The following FARS2 variants were observed in gnomAD, a reference collection of about 807,000 sequenced individuals.
FARS2 encodes phenylalanyl-tRNA synthetase 2, mitochondrial.
In FARS2, 40 loss-of-function variants were observed where a neutral mutation model predicts 46.4. The ratio of observed to expected loss-of-function variants is 0.86; its 90% CI spans 0.67 to 1.12. The LOEUF (loss-of-function observed/expected upper bound fraction) is 1.12, where lower values mean the gene tolerates loss of function less well. Among genes scored for constraint, FARS2 ranks in the 50% most tolerant of loss-of-function variants. FARS2 has a pLI of 0.00. For missense variants in FARS2, 513 were observed against 567.9 expected (o/e 0.90, Z 0.98); for synonymous variants, 234 against 214.9 (o/e 1.09, Z -0.78).
At chr6:5,718,714 A>C (rs1343702844) in intron 6 of FARS2, among the ~76,000 whole-genome samples, 3 of 152,134 alleles carry the variant, frequency 2.0e-5, no homozygotes, top group East Asian at 1.9e-4. Context: ...CTGAGTAGCT[A>C]ATGGAAGATG....
At chr6:5,316,178 C>T (rs1769504323) in intron 1 of FARS2, among the ~76,000 whole-genome samples, 1 of 152,234 alleles carries the variant, frequency 6.6e-6, no homozygotes, top group African/African-American at 2.4e-5. Flanking sequence ...GAAAGATTCA[C>T]TTAGGGTGAC....
At chr6:5,393,447 G>A (rs1303571248) in intron 2 of FARS2, among the ~76,000 whole-genome samples, 1 of 152,110 alleles carries the variant, frequency 6.6e-6, no homozygotes, top group African/African-American at 2.4e-5. Flanking sequence ...GCGAGGTCAA[G>A]AGATCGAGAC....
chr6:5,318,061 G>T (rs2104034), intron 1 of FARS2, among the ~76,000 whole-genome samples: 104,290 of 151,944 alleles, frequency 0.69, 36,539 homozygotes, highest in African/African-American at 0.82. Flanking sequence ...GTCTGATTTT[G>T]AGTATTATAA....
At chr6:5,706,459 G>C (rs1758774393) in intron 6 of FARS2, among the ~76,000 whole-genome samples, 1 of 152,128 alleles carries the variant, frequency 6.6e-6, no homozygotes, top group African/African-American at 2.4e-5. Context: ...ATTACTCTAG[G>C]GCCCCTTCCC....
At chr6:5,303,179 C>T (rs560588821) in intron 1 of FARS2, among the ~76,000 whole-genome samples, 4 of 152,104 alleles carry the variant, frequency 2.6e-5, no homozygotes, top group Non-Finnish European at 5.9e-5. Context: ...TGTGAAGCTT[C>T]TTTGCCCTGC....
intron 1 of FARS2, among the ~76,000 whole-genome samples, chr6:5,283,374 C>CA (rs1180107524): frequency 0.087 from 4,756 of 54,888 alleles, 220 homozygotes; most frequent in African/African-American, 0.14. Flanking sequence ...ACTCCTGTCT[C>CA]AAAAAAAAAA....
At chr6:5,477,582 T>C (rs1040956851) in intron 4 of FARS2, among the ~76,000 whole-genome samples, 1 of 152,266 alleles carries the variant, frequency 6.6e-6, no homozygotes, top group African/African-American at 2.4e-5. Flanking sequence ...CCTGTGTTTG[T>C]ATCCAGTCTT....
At chr6:5,326,638 TCTC>T (rs1474795780) in intron 1 of FARS2, among the ~76,000 whole-genome samples, 1 of 152,160 alleles carries the variant, frequency 6.6e-6, no homozygotes, top group Non-Finnish European at 1.5e-5. Context: ...GCAGCAGCCT[TCTC>T]CTTCCACCCC....
intron 5 of FARS2, among the ~76,000 whole-genome samples, chr6:5,561,691 A>G (rs902058104): frequency 6.6e-6 from 1 of 151,998 alleles, no homozygotes; most frequent in East Asian, 1.9e-4. Context: ...TCCGGGATTC[A>G]TATCTTTACT....
chr6:5,314,413 G>T (rs536300447), intron 1 of FARS2, among the ~76,000 whole-genome samples: 4 of 152,262 alleles, frequency 2.6e-5, no homozygotes, highest in African/African-American at 7.2e-5. Context: ...GATGATCCTG[G>T]GAGATTGTTT....
intron 1 of FARS2, among the ~76,000 whole-genome samples, chr6:5,351,371 T>C (rs1278410137): frequency 2.0e-5 from 3 of 152,246 alleles, no homozygotes; most frequent in Non-Finnish European, 1.5e-5. Context: ...CTAATTTTTC[T>C]TTGTTTATAG....
At position 5,368,726 on chromosome 6, in the gene FARS2, G is replaced by A. The variant is rs1286165897; in HGVS notation, c.156G>A (p.Glu52=). 3.7e-6 allele frequency: 6 copies of A among 1,614,184 alleles called. No individual in the cohort carries two copies. The East Asian group carries it at 1.1e-4, about 30-fold the overall frequency. ...ATQRAPGSVV[E]LLGKSYPQDD... is the part of the protein sequence containing the mutation. ...AAAGAGCTCCAGGCAGTGTGGTGGA[G>A]CTGCTGGGCAAATCCTACCCTCAGG... The change falls in exon 2 of 7, where the codon GAG becomes GAA. Residue 52 remains glutamate, a synonymous_variant. Coordinates refer to ENST00000274680, the MANE Select transcript of FARS2 (RefSeq NM_006567.5).
chr6:5,365,034 G>A (rs1376230905), intron 1 of FARS2, among the ~76,000 whole-genome samples: 2 of 151,210 alleles, frequency 1.3e-5, no homozygotes, highest in African/African-American at 2.4e-5. Flanking sequence ...GGGTGACAGA[G>A]TAAGACCCTG....
chr6:5,762,837 C>A (rs929665666), intron 6 of FARS2, among the ~76,000 whole-genome samples: 1 of 152,098 alleles, frequency 6.6e-6, no homozygotes, highest in Non-Finnish European at 1.5e-5. Context: ...GGGAGGAAAT[C>A]ACAGGCACAG....
intron 6 of FARS2, among the ~76,000 whole-genome samples, chr6:5,749,638 A>G (rs749771040): frequency 4.6e-5 from 7 of 152,212 alleles, no homozygotes; most frequent in Admixed American, 1.3e-4. Flanking sequence ...TTGCTCTTCA[A>G]GGTTCATTCT....
intron 6 of FARS2, among the ~76,000 whole-genome samples, chr6:5,736,210 ACAGGGCAAG>A (rs1760937212): frequency 6.6e-6 from 1 of 152,220 alleles, no homozygotes; most frequent in Non-Finnish European, 1.5e-5. Context: ...GGGCTCCTCC[ACAGGGCAAG>A]CATTGCAGCT....
At chr6:5,361,528 A>G (rs1758300800) in intron 1 of FARS2, among the ~76,000 whole-genome samples, 1 of 152,210 alleles carries the variant, frequency 6.6e-6, no homozygotes, top group South Asian at 2.1e-4. Context: ...CTCACGAGTA[A>G]TGCAGGAAAC....
intron 4 of FARS2, among the ~76,000 whole-genome samples, chr6:5,451,007 T>G (rs985779564): frequency 2.0e-5 from 3 of 152,182 alleles, no homozygotes; most frequent in African/African-American, 4.8e-5. Context: ...CTGACAGGAA[T>G]CTAGTATTTT....
intron 1 of FARS2, among the ~76,000 whole-genome samples, chr6:5,275,449 A>G (rs562605525): frequency 1.3e-5 from 2 of 152,314 alleles, no homozygotes; most frequent in Admixed American, 6.5e-5. Flanking sequence ...TTCCTGGTTT[A>G]ATGTTGAGTT....
Sources: gnomAD v4.1 joint callset for allele counts (sites outside exome capture counted in the v4.1 genomes callset) on GRCh38, gnomAD v4.1.1 for gene constraint, MANE v1.5 for transcripts, NCBI Gene and HGNC (gene_info 2026-07-23, HGNC 2026-07-21) for gene names.